Variants in SHISA6 observed in about 807,000 individuals in gnomAD.
SHISA6 encodes protein shisa-6.
In SHISA6, 22 loss-of-function variants were observed where a neutral mutation model predicts 47.9. The ratio of observed to expected loss-of-function variants is 0.46; its 90% confidence interval spans 0.33 to 0.66. The LOEUF is 0.66. SHISA6 is among the 30% of genes least tolerant of loss of function. SHISA6 has a pLI of 0.02. For synonymous variants in SHISA6, 388 were observed against 337.8 expected, an observed-to-expected ratio of 1.15 and a Z score of -1.63; for missense variants, 680 against 764.6, an observed-to-expected ratio of 0.89 and a Z score of 1.30.
In SHISA6 at chr17:11,410,969, T is replaced by A. The variant is rs1331832270; in HGVS notation, c.895+31460T>A. On this transcript the variant is annotated intron_variant, in intron 3 of 5. Coordinates refer to ENST00000441885, the MANE Select transcript of SHISA6 (RefSeq NM_207386.4). ...ATTCTGTCTATTTTTTTTATTTTTT[T>A]ATTATTTTTATTTTTTTGAGACAGA... 3.3e-5 allele frequency among the ~76,000 whole-genome samples: 5 copies of A among 152,172 alleles called. No individual in the cohort carries two copies. The East Asian group carries it at 5.8e-4, about 18-fold the overall frequency.
intron 2 of SHISA6, among the ~76,000 whole-genome samples, chr17:11,364,899 G>C (rs73975315): frequency 0.022 from 3,331 of 152,252 alleles, 102 homozygotes; most frequent in African/African-American, 0.066. Context: ...ATTCTGGTGA[G>C]TGTAAGGTGG....
At chr17:11,326,582 C>T (rs911073305) in intron 2 of SHISA6, among the ~76,000 whole-genome samples, 11 of 152,178 alleles carry the variant, frequency 7.2e-5, no homozygotes, top group African/African-American at 2.7e-4. Context: ...CCATATTTGG[C>T]CAGCGCCTCA....
chr17:11,503,808 G>A (rs190164149), intron 3 of SHISA6, among the ~76,000 whole-genome samples: 23 of 152,284 alleles, frequency 1.5e-4, no homozygotes, highest in Non-Finnish European at 2.9e-4. Flanking sequence ...AGATGTAGCC[G>A]GCGCTACTGT....
At chr17:11,421,040 C>T (rs910215193) in intron 3 of SHISA6, among the ~76,000 whole-genome samples, 3 of 152,152 alleles carry the variant, frequency 2.0e-5, no homozygotes, top group Admixed American at 2.0e-4. Flanking sequence ...GCCCATTTCT[C>T]CTCATCCCAG....
intron 2 of SHISA6, among the ~76,000 whole-genome samples, chr17:11,280,005 G>A (rs9892058): frequency 0.77 from 116,581 of 151,978 alleles, 45,333 homozygotes; most frequent in Non-Finnish European, 0.84. Flanking sequence ...CTGTGGGCTC[G>A]AGTGAGTCAA....
intron 2 of SHISA6, among the ~76,000 whole-genome samples, chr17:11,270,259 C>T (rs538824593): frequency 1.4e-4 from 21 of 152,356 alleles, no homozygotes; most frequent in African/African-American, 4.6e-4. Context: ...CAGGCGTGAG[C>T]CGCCGTGCTC....
At chr17:11,509,378 T>C (rs1456963564) in intron 3 of SHISA6, among the ~76,000 whole-genome samples, 2 of 152,252 alleles carry the variant, frequency 1.3e-5, no homozygotes, top group Admixed American at 6.5e-5. Flanking sequence ...TTACCATTTA[T>C]GAAGCACTTT....
At chr17:11,293,854 G>A (rs1191858198) in intron 2 of SHISA6, among the ~76,000 whole-genome samples, 1 of 151,994 alleles carries the variant, frequency 6.6e-6, no homozygotes, top group African/African-American at 2.4e-5. Flanking sequence ...AATTATTATT[G>A]GTACTATTAT....
intron 3 of SHISA6, among the ~76,000 whole-genome samples, chr17:11,475,847 T>A (rs1916038666): frequency 6.6e-6 from 1 of 152,052 alleles, no homozygotes; most frequent in Non-Finnish European, 1.5e-5. Context: ...TGAGACAGAT[T>A]GTAGGGAATT....
At chr17:11,480,027 T>C (rs1473145240) in intron 3 of SHISA6, among the ~76,000 whole-genome samples, 2 of 152,186 alleles carry the variant, frequency 1.3e-5, no homozygotes, top group Non-Finnish European at 2.9e-5. Flanking sequence ...TCTTTATTTC[T>C]CCTTCACTTC....
chr17:11,411,117 T>G (rs1914102366), intron 3 of SHISA6, among the ~76,000 whole-genome samples: 1 of 151,644 alleles, frequency 6.6e-6, no homozygotes, highest in Admixed American at 6.6e-5. Flanking sequence ...TACAGGCGCC[T>G]GCCGCCACGC....
At chr17:11,341,628 C>A (rs142575357) in intron 2 of SHISA6, among the ~76,000 whole-genome samples, 1 of 152,214 alleles carries the variant, frequency 6.6e-6, no homozygotes, top group African/African-American at 2.4e-5. Context: ...GCCACCGCGC[C>A]TGCCCAGGAA....
intron 2 of SHISA6, among the ~76,000 whole-genome samples, chr17:11,307,076 T>C (rs982965521): frequency 6.6e-6 from 1 of 152,124 alleles, no homozygotes; most frequent in African/African-American, 2.4e-5. Flanking sequence ...TTCTTCTATA[T>C]CTCTTTGCAA....
At chr17:11,373,340 A>G (rs975249179) in intron 2 of SHISA6, among the ~76,000 whole-genome samples, 7 of 152,110 alleles carry the variant, frequency 4.6e-5, no homozygotes, top group African/African-American at 9.7e-5. Context: ...AAAGCCGCCA[A>G]TCAGTCTATC....
Position 11,557,902 on chromosome 17 carries a change from C to T in SHISA6, c.1254C>T (p.Ser418=), listed in dbSNP as rs1190773220. ...ERPRRPIRAM[S]QDRVLSPDRG... Reference sequence around the variant, plus strand: ...CCCGCCGGCCCATCCGGGCCATGTCCCAGGACAGGGTCCTGTCCCCGGATC... The same window carrying T: ...CCCGCCGGCCCATCCGGGCCATGTCTCAGGACAGGGTCCTGTCCCCGGATC... Residue 418 remains serine (S), a synonymous_variant, in exon 6 of 6, where the codon TCC becomes TCT. Coordinates refer to ENST00000441885, the MANE Select transcript of SHISA6 (RefSeq NM_207386.4). The T allele has an allele frequency of 1.9e-6, 3 of 1,551,618 alleles. No individual in the cohort carries two copies. The highest frequency in any genetic ancestry group is 2.6e-6 in the Non-Finnish European group (3 of 1,147,008).
At chr17:11,391,817 G>A (rs1913395266) in intron 3 of SHISA6, among the ~76,000 whole-genome samples, 1 of 152,114 alleles carries the variant, frequency 6.6e-6, no homozygotes, top group African/African-American at 2.4e-5. Flanking sequence ...CTAAATGTCG[G>A]CCTACTGCAT....
At chr17:11,365,759 G>T (rs1912429326) in intron 2 of SHISA6, among the ~76,000 whole-genome samples, 1 of 152,142 alleles carries the variant, frequency 6.6e-6, no homozygotes, top group Admixed American at 6.6e-5. Flanking sequence ...GCTTTAAGAA[G>T]GGAGATGGAC....
At chr17:11,465,537 G>C (rs1272493812) in intron 3 of SHISA6, among the ~76,000 whole-genome samples, 1 of 152,130 alleles carries the variant, frequency 6.6e-6, no homozygotes, top group East Asian at 1.9e-4. Flanking sequence ...CAGGTAGCTG[G>C]GACCAGGTTG....
intron 2 of SHISA6, among the ~76,000 whole-genome samples, chr17:11,346,511 T>C (rs547609726): frequency 3.3e-5 from 5 of 152,292 alleles, no homozygotes; most frequent in African/African-American, 4.8e-5. Context: ...TAGTTTTACT[T>C]TGAAAATTTG....
Sources: allele counts gnomAD v4.1 joint callset (sites outside exome capture counted in the v4.1 genomes callset), GRCh38; gene constraint gnomAD v4.1.1; transcripts MANE v1.5; gene names NCBI Gene and HGNC (gene_info 2026-07-23, HGNC 2026-07-21).